Variants in TSTD2 observed in about 807,000 individuals in gnomAD.
TSTD2 encodes the protein thiosulfate sulfurtransferase like domain containing 2, also known as thiosulfate sulfurtransferase/rhodanese-like domain-containing protein 2.
A neutral mutation model predicts 47.9 loss-of-function variants in TSTD2; 37 were observed. The observed-to-expected ratio is 0.77, with a 90% CI of 0.59 to 1.02. TSTD2 has a LOEUF of 1.02. TSTD2 is among the 50% of genes least tolerant of loss of function. The pLI is 0.00. For synonymous variants in TSTD2, 201 were observed against 215.9 expected, an observed-to-expected ratio of 0.93 and a Z score of 0.61; for missense variants, 586 against 616.0, an observed-to-expected ratio of 0.95 and a Z score of 0.52.
chr9:97,627,166 T>G, intron 2 of TSTD2: 11 of 685,212 alleles, frequency 1.6e-5, no homozygotes, highest in Non-Finnish European at 2.1e-5. Context: ...GGGTGGGGAA[T>G]GAAATCTAAT....
At chr9:97,628,551 T>C (rs1826758390) in intron 1 of TSTD2, among the ~76,000 whole-genome samples, 1 of 152,204 alleles carries the variant, frequency 6.6e-6, no homozygotes, top group South Asian at 2.1e-4. Context: ...ATATTATTAA[T>C]ATTTTAATTG....
chr9:97,614,957 A>G (rs1826520486), intron 4 of TSTD2, among the ~76,000 whole-genome samples: 1 of 152,170 alleles, frequency 6.6e-6, no homozygotes, highest in African/African-American at 2.4e-5. Context: ...CTACATAGAA[A>G]AATAGAGCCC....
intron 1 of TSTD2, among the ~76,000 whole-genome samples, chr9:97,632,530 C>A (rs890888523): frequency 1.3e-5 from 2 of 149,720 alleles, no homozygotes; most frequent in South Asian, 2.1e-4. Context: ...CTACAGGCGC[C>A]AAACACTAGG....
At chr9:97,630,283 TCTC>T (rs1256473432) in intron 1 of TSTD2, among the ~76,000 whole-genome samples, 2 of 152,264 alleles carry the variant, frequency 1.3e-5, no homozygotes, top group East Asian at 3.9e-4. Flanking sequence ...CCCAAAATGA[TCTC>T]CTCCGACTCT....
intron 1 of TSTD2, among the ~76,000 whole-genome samples, chr9:97,631,908 G>A (rs1328267137): frequency 6.6e-6 from 1 of 151,956 alleles, no homozygotes; most frequent in Non-Finnish European, 1.5e-5. Flanking sequence ...AGTCCTCACA[G>A]AGCACCTTCC....
intron 4 of TSTD2, among the ~76,000 whole-genome samples, chr9:97,615,446 A>T (rs879435656): frequency 2.0e-5 from 3 of 152,256 alleles, no homozygotes; most frequent in Non-Finnish European, 2.9e-5. Flanking sequence ...TCCCAATCTT[A>T]TAACTTTTCC....
Position 97,617,849 on chromosome 9 carries a change from G to A in TSTD2, c.511C>T (p.Leu171Phe). 1 of 1,613,968 alleles carries A rather than the reference G, an allele frequency of 6.2e-7. No individual in the cohort carries two copies. The highest frequency in any genetic ancestry group is 8.5e-7 in the Non-Finnish European group (1 of 1,179,962). ...AGGTCATGGTAGCAGTAATAAAGGA[G>A]CACCTCCCCTTCTTCACTGCCCTGG... ...SGQGSEEGEV[L>F]LYYCYHDLED... Residue 171 changes from leucine (L) to phenylalanine (F), a missense_variant, in exon 4 of 10, where the codon CTC becomes TTC. Physicochemically the swap from Leu to Phe is conservative, Grantham distance 22. Coordinates refer to ENST00000341170, the MANE Select transcript of TSTD2 (RefSeq NM_139246.5).
chr9:97,602,337 G>C lies in TSTD2; in HGVS notation c.*132C>G. The C allele has an allele frequency of 1.9e-6, 2 of 1,063,674 alleles. No homozygotes were observed. Among genetic ancestry groups the C allele is most frequent in the Non-Finnish European group, 1.3e-6 (1 of 760,756 alleles). 65.9% of individuals were successfully genotyped at this position (1,063,674 alleles called of 1,614,324 possible). ...TCCCCTCCCGCTGTGAAGTGTAGAC[G>C]GCTGCCACGGTGGCAGCGGCCAGAA... On this transcript the variant is annotated 3_prime_UTR_variant, in exon 10 of 10. Transcript: ENST00000341170.
chr9:97,620,723 GT>G lies in TSTD2; in HGVS notation c.483-2847del, dbSNP rs1826621258. Among the ~76,000 whole-genome samples, 3 of 152,336 alleles carry G rather than the reference GT, an allele frequency of 2.0e-5. No homozygotes were observed. The South Asian group carries it at 6.2e-4, about 32-fold the overall frequency. On this transcript the variant is annotated intron_variant, in intron 3 of 9. Coordinates refer to ENST00000341170, the MANE Select transcript of TSTD2 (RefSeq NM_139246.5). ...GTTATGTTTTAGCAAAGAGACTGGTGTGGCATTTTGCCCCTGCCCTAAAGAT... is the reference window on the plus strand; with the variant it reads ...GTTATGTTTTAGCAAAGAGACTGGTGGGCATTTTGCCCCTGCCCTAAAGAT...
chr9:97,617,712 G>A (rs573476906), intron 4 of TSTD2, 45 bp downstream of exon 4: 8 of 1,567,200 alleles, frequency 5.1e-6, no homozygotes, highest in Admixed American at 1.9e-5. Flanking sequence ...AGGTTGGCAG[G>A]CAAGATGGAC....
intron 3 of TSTD2, among the ~76,000 whole-genome samples, chr9:97,618,282 T>C (rs955309150): frequency 6.6e-6 from 1 of 152,216 alleles, no homozygotes; most frequent in Non-Finnish European, 1.5e-5. Flanking sequence ...CTTTCTATGA[T>C]GCAGGTTATT....
At chr9:97,626,295 A>T (rs1826719284) in intron 2 of TSTD2, among the ~76,000 whole-genome samples, 1 of 152,224 alleles carries the variant, frequency 6.6e-6, no homozygotes, top group African/African-American at 2.4e-5. Flanking sequence ...AGTTTGGCCT[A>T]AAATATCACA....
chr9:97,617,265 T>C (rs1440740572), intron 4 of TSTD2, among the ~76,000 whole-genome samples: 1 of 152,164 alleles, frequency 6.6e-6, no homozygotes, highest in Non-Finnish European at 1.5e-5. Flanking sequence ...CAAATGTCAA[T>C]ACCCTGAGCT....
intron 6 of TSTD2, among the ~76,000 whole-genome samples, chr9:97,606,992 C>T (rs1221970042): frequency 1.3e-5 from 2 of 152,196 alleles, no homozygotes; most frequent in Middle Eastern, 3.4e-3. Flanking sequence ...TAGCGAGACT[C>T]TGTCTCTAAA....
chr9:97,612,011 T>TTCCACCC (rs1002309393), intron 4 of TSTD2, among the ~76,000 whole-genome samples: 3 of 152,172 alleles, frequency 2.0e-5, no homozygotes, highest in Non-Finnish European at 4.4e-5. Flanking sequence ...CTCTCCCTCC[T>TTCCACCC]TCCACCCTCC....
Position 97,627,541 on chromosome 9 carries a change from C to T in TSTD2, c.22G>A (p.Asp8Asn), listed in dbSNP as rs200931295. The change falls in exon 2 of 10, where the codon GAC becomes AAC. Residue 8 changes from aspartate to asparagine, a missense_variant. Transcript: ENST00000341170. The part of the protein sequence containing the change: MPSSTSP[D>N]QGDDLENCIL... ...CAGTTCTCCAGGTCATCTCCTTGGT[C>T]TGGTGAAGTGGAAGAAGGCATCTGG... 13 of 1,609,672 alleles carry T rather than the reference C, an allele frequency of 8.1e-6. No homozygotes were observed. In the African/African-American group the frequency reaches 1.6e-4, roughly 20 times the overall value.
Position 97,617,796 on chromosome 9 carries a change from C to A in TSTD2, c.564G>T (p.Trp188Cys), listed in dbSNP as rs1410131204. ...DLEDPQWICA[W>C]QTALCQHLHL... is the part of the protein sequence containing the mutation. ...GCAGGTGCTGACACAGAGCTGTCTGCCAGGCACAGATCCATTGGGGATCCT... is the reference window on the plus strand; with the variant it reads ...GCAGGTGCTGACACAGAGCTGTCTGACAGGCACAGATCCATTGGGGATCCT... Residue 188 changes from tryptophan (W) to cysteine (C), a missense_variant, in exon 4 of 10, where the codon TGG becomes TGT. By Grantham distance (215) the Trp-to-Cys change is radical. Transcript: ENST00000341170. 2 of 1,614,116 alleles carry A rather than the reference C, an allele frequency of 1.2e-6. No individual in the cohort carries two copies. Among genetic ancestry groups the A allele is most frequent in the South Asian group, 2.2e-5 (2 of 91,072 alleles).
chr9:97,600,831 G>A lies in TSTD2; in HGVS notation c.*1638C>T, dbSNP rs912679775. 58 of 1,072,708 alleles carry A rather than the reference G, an allele frequency of 5.4e-5. No homozygotes were observed. Among genetic ancestry groups the A allele is most frequent in the Non-Finnish European group, 5.7e-5 (50 of 879,136 alleles). The allele number at this position is 1,072,708 out of a possible 1,614,324, so 66.4% of individuals were successfully genotyped here. A position where few individuals can be genotyped will look rare whatever the true frequency, so the allele number is the denominator to read the frequency against. On this transcript the variant is annotated 3_prime_UTR_variant, in exon 10 of 10. Transcript: ENST00000341170. ...CAGATCTCTTTTTAACATCATGTGC[G>A]TCTCTTGGGATCCAGCAAAAGTGTT...
chr9:97,627,731 A>G (rs966436619), intron 1 of TSTD2, 119 bp from the exon 2 acceptor site: 1 of 589,514 alleles, frequency 1.7e-6, no homozygotes, highest in Non-Finnish European at 2.9e-6. Context: ...CCATCCATTT[A>G]CTTACTAAAT....
Sources: gnomAD v4.1 joint callset for allele counts (sites outside exome capture counted in the v4.1 genomes callset) on GRCh38, gnomAD v4.1.1 for gene constraint, MANE v1.5 for transcripts, NCBI Gene and HGNC (gene_info 2026-07-23, HGNC 2026-07-21) for gene names.